RAB3IP: variants seen among roughly 807,000 people sequenced by gnomAD.
The protein encoded by RAB3IP is RAB3A interacting protein.
In RAB3IP, 36 loss-of-function variants were observed where a neutral mutation model predicts 59.1. That is an observed-to-expected ratio of 0.61 (90% confidence interval 0.47 to 0.80). The LOEUF is 0.80. Ranked by LOEUF, RAB3IP falls within the 30% of genes least tolerant of loss-of-function variation. The pLI is 0.00. For synonymous variants in RAB3IP, 207 were observed against 191.2 expected, an observed-to-expected ratio of 1.08 and a Z score of -0.68; for missense variants, 511 against 536.0, an observed-to-expected ratio of 0.95 and a Z score of 0.46.
intron 3 of RAB3IP, among the ~76,000 whole-genome samples, chr12:69,767,075 C>T (rs953541523): frequency 6.6e-6 from 1 of 152,242 alleles, no homozygotes; most frequent in Admixed American, 6.5e-5. Context: ...AATTCTTCCA[C>T]TGGTTTCTCC....
chr12:69,803,396 A>T (rs972920988), intron 8 of RAB3IP, among the ~76,000 whole-genome samples: 1 of 152,154 alleles, frequency 6.6e-6, no homozygotes, highest in Non-Finnish European at 1.5e-5. Context: ...AGTGAGTGGC[A>T]CAGCACTGTA....
Position 69,820,432 on chromosome 12 carries a change from T to G in RAB3IP, c.*4986T>G, listed in dbSNP as rs1018856044. ...ACTCCTGCACTAATGTCTGCTGTCC[T>G]TGCATCCACTCCTGCCCTCCTACAA... On this transcript the variant is annotated 3_prime_UTR_variant, in exon 11 of 11. Transcript: ENST00000247833. 1.3e-5 allele frequency: 2 copies of G among 152,114 alleles called. No homozygotes were observed. Among genetic ancestry groups the G allele is most frequent in the Non-Finnish European group, 2.9e-5 (2 of 68,076 alleles). 9.4% of individuals were successfully genotyped at this position (152,114 alleles called of 1,614,324 possible).
At position 69,794,533 on chromosome 12, in the gene RAB3IP, T is replaced by G. The variant is rs780625513; in HGVS notation, c.684+19T>G. On this transcript the variant is annotated intron_variant, in intron 5 of 10. Coordinates refer to ENST00000247833, the MANE Select transcript of RAB3IP (RefSeq NM_022456.5). Reference sequence around the variant, plus strand: ...AGGAAAAGTGAGTTTTTGCAGCTCTTAATAGTATAAAATAAATTTGTGATA... The same window carrying G: ...AGGAAAAGTGAGTTTTTGCAGCTCTGAATAGTATAAAATAAATTTGTGATA... The G allele has an allele frequency of 3.8e-6, 6 of 1,576,860 alleles. No individual in the cohort carries two copies. The African/African-American group carries it at 8.1e-5, about 21-fold the overall frequency.
At chr12:69,787,827 A>G (rs1041969123) in intron 4 of RAB3IP, among the ~76,000 whole-genome samples, 1 of 152,188 alleles carries the variant, frequency 6.6e-6, no homozygotes, top group Non-Finnish European at 1.5e-5. Context: ...AGAGTTCCCT[A>G]TGTGCTAGGC....
At chr12:69,773,009 T>G (rs1272742331) in intron 3 of RAB3IP, among the ~76,000 whole-genome samples, 2 of 152,164 alleles carry the variant, frequency 1.3e-5, no homozygotes, top group Non-Finnish European at 1.5e-5. Flanking sequence ...TCAGCTTTTG[T>G]TTTTCTGGGA....
intron 8 of RAB3IP, among the ~76,000 whole-genome samples, chr12:69,808,042 C>T (rs904828157): frequency 6.6e-6 from 1 of 152,180 alleles, no homozygotes; most frequent in Non-Finnish European, 1.5e-5. Flanking sequence ...CTATAAATTT[C>T]CCTCTACACA....
chr12:69,800,200 G>GTTTGT lies in RAB3IP; in HGVS notation c.889-7_889-3dup. On this transcript the variant is annotated splice_polypyrimidine_tract_variant and intron_variant, in intron 6 of 10. Coordinates refer to ENST00000247833, the MANE Select transcript of RAB3IP (RefSeq NM_022456.5). ...AAACATGTTTTTGTGTTTTCCTTTG[G>GTTTGT]TTTGTTAGGCTGACTTATCCTTGTA... 2 of 1,503,502 alleles carry GTTTGT rather than the reference G, an allele frequency of 1.3e-6. No homozygotes were observed. Among genetic ancestry groups the GTTTGT allele is most frequent in the South Asian group, 2.8e-5 (2 of 71,898 alleles). The allele number at this position is 1,503,502 out of a possible 1,614,324, so 93.1% of individuals were successfully genotyped here.
intron 8 of RAB3IP, among the ~76,000 whole-genome samples, chr12:69,806,666 T>A (rs373584844): frequency 6.7e-6 from 1 of 149,936 alleles, no homozygotes; most frequent in African/African-American, 2.5e-5. Context: ...AGTGGAGAGA[T>A]GGTCAGCAGA....
rs115932047 is a variant in RAB3IP, at chr12:69,802,783, C to T, written c.1130+1062C>T. 3.6e-3 allele frequency among the ~76,000 whole-genome samples: 554 copies of T among 152,280 alleles called. 5 individuals are homozygous for T. Among genetic ancestry groups the T allele is most frequent in the African/African-American group, 0.011 (449 of 41,540 alleles). ...TTTCTATTCCCTGTTACGCACGTTA[C>T]GGTCTCAGCAAGATTACAGAATGTT... On this transcript the variant is annotated intron_variant, in intron 8 of 10. Transcript: ENST00000247833.
intron 1 of RAB3IP, among the ~76,000 whole-genome samples, chr12:69,745,869 G>C (rs1868318798): frequency 6.6e-6 from 1 of 152,128 alleles, no homozygotes; most frequent in Non-Finnish European, 1.5e-5. Context: ...GTGGAGTTAG[G>C]TGTTAGAGTC....
At chr12:69,750,804 T>G (rs1162324783) in intron 1 of RAB3IP, among the ~76,000 whole-genome samples, 1 of 151,858 alleles carries the variant, frequency 6.6e-6, no homozygotes, top group Non-Finnish European at 1.5e-5. Context: ...ATAATATACA[T>G]AATGTTTGAT....
At chr12:69,810,944 A>G (rs1565932902) in intron 8 of RAB3IP, among the ~76,000 whole-genome samples, 1 of 152,214 alleles carries the variant, frequency 6.6e-6, no homozygotes. Context: ...GTCTGTTTGC[A>G]TTGAATCCTG....
At chr12:69,787,523 C>T (rs963755409) in intron 4 of RAB3IP, among the ~76,000 whole-genome samples, 2 of 152,142 alleles carry the variant, frequency 1.3e-5, no homozygotes, top group Non-Finnish European at 2.9e-5. Context: ...CACTCATATT[C>T]ATGATCCTAA....
At chr12:69,802,253 A>T (rs1878508952) in intron 8 of RAB3IP, among the ~76,000 whole-genome samples, 1 of 151,982 alleles carries the variant, frequency 6.6e-6, no homozygotes, top group African/African-American at 2.4e-5. Context: ...ACTGAGTTAG[A>T]CTAAGTCTTA....
At chr12:69,809,088 AG>A (rs1409235338) in intron 8 of RAB3IP, among the ~76,000 whole-genome samples, 4 of 150,424 alleles carry the variant, frequency 2.7e-5, no homozygotes, top group African/African-American at 7.3e-5. Flanking sequence ...CTTTTAGGGC[AG>A]GCCTGGTGGT....
In RAB3IP at chr12:69,818,477, G is replaced by A. The variant is rs374214337; in HGVS notation, c.*3031G>A. 4 of 151,878 alleles carry A rather than the reference G, an allele frequency of 2.6e-5. No homozygotes were observed. The highest frequency in any genetic ancestry group is 5.9e-5 in the Non-Finnish European group (4 of 67,990). 9.4% of individuals were successfully genotyped at this position (151,878 alleles called of 1,614,324 possible). A position where few individuals can be genotyped will look rare whatever the true frequency, so the allele number is the denominator to read the frequency against. Reference sequence around the variant, plus strand: ...AAAAAAAAAAAAAGTATACCCATGGGTCAGCAATTTCACTTTTCAGTATAT... The same window carrying A: ...AAAAAAAAAAAAAGTATACCCATGGATCAGCAATTTCACTTTTCAGTATAT... On this transcript the variant is annotated 3_prime_UTR_variant, in exon 11 of 11. Transcript: ENST00000247833.
At chr12:69,749,922 C>T (rs1381536830) in intron 1 of RAB3IP, among the ~76,000 whole-genome samples, 1 of 152,172 alleles carries the variant, frequency 6.6e-6, no homozygotes, top group African/African-American at 2.4e-5. Flanking sequence ...TTAGTAAATA[C>T]TTGCTGAAAG....
chr12:69,767,009 A>C (rs1395850701), intron 3 of RAB3IP, among the ~76,000 whole-genome samples: 1 of 152,202 alleles, frequency 6.6e-6, no homozygotes, highest in Non-Finnish European at 1.5e-5. Context: ...CTGTTGCTGG[A>C]GAGCTAGTGC....
At position 69,811,027 on chromosome 12, in the gene RAB3IP, A is replaced by G. The variant is rs79930341; in HGVS notation, c.1131-1751A>G. On this transcript the variant is annotated intron_variant, in intron 8 of 10. Coordinates refer to ENST00000247833, the MANE Select transcript of RAB3IP (RefSeq NM_022456.5). ...GAAATGAGATCTTTTAAGAAACGCT[A>G]TACACCATGGAATACTATACAGCCA... Among the ~76,000 whole-genome samples, 965 of 152,312 alleles carry G rather than the reference A, an allele frequency of 6.3e-3. 10 individuals are homozygous for G. Among genetic ancestry groups the G allele is most frequent in the African/African-American group, 0.021 (857 of 41,564 alleles).
Sources: gnomAD v4.1 joint callset for allele counts (sites outside exome capture counted in the v4.1 genomes callset) on GRCh38, gnomAD v4.1.1 for gene constraint, MANE v1.5 for transcripts, NCBI Gene and HGNC (gene_info 2026-07-23, HGNC 2026-07-21) for gene names.